KDM1A: variants seen among roughly 807,000 people sequenced by gnomAD.
The protein encoded by KDM1A is lysine demethylase 1A.
Under a neutral mutation model 109.4 loss-of-function variants are expected in KDM1A, and 49 were observed. That is an observed-to-expected ratio of 0.45 (90% CI 0.36 to 0.57). The LOEUF (loss-of-function observed/expected upper bound fraction) is 0.57. Among genes scored for constraint, KDM1A ranks in the 20% least tolerant of loss-of-function variants. The pLI is 0.00. For missense variants in KDM1A, 668 were observed against 1,116.6 expected, an observed-to-expected ratio of 0.60 and a Z score of 5.73; for synonymous variants, 380 against 415.4, an observed-to-expected ratio of 0.91 and a Z score of 1.04.
intron 5 of KDM1A, 152 bp downstream of exon 5, chr1:23,053,991 A>G (rs897237380): frequency 1.7e-6 from 1 of 604,868 alleles, no homozygotes; most frequent in Non-Finnish European, 3.0e-6. Context: ...TCTTATAGAA[A>G]ACCTGTTTTC....
rs1260185256 is a variant in KDM1A at position 23,079,232 on chromosome 1, CGTT to C, written c.2055+59_2055+61del. 1 of 1,551,398 alleles carries C rather than the reference CGTT, an allele frequency of 6.4e-7. No homozygotes were observed. Among genetic ancestry groups the C allele is most frequent in the Non-Finnish European group, 8.8e-7 (1 of 1,140,600 alleles). On this transcript the variant is annotated intron_variant, in intron 17 of 20. Coordinates refer to ENST00000400181, the MANE Select transcript of KDM1A (RefSeq NM_001009999.3). The surrounding 1 kb of genome is among the most constrained non-coding windows in gnomAD (Gnocchi z 5.6). ...GATCTGATGTACAAATAGCAGTCTT[CGTT>C]GTTTACTTGGTGAGGAGGTGGCCTT... is the stretch of plus-strand genomic sequence containing the variant.
intron 1 of KDM1A, among the ~76,000 whole-genome samples, chr1:23,026,338 C>T (rs1048934963): frequency 6.7e-6 from 1 of 150,098 alleles, no homozygotes; most frequent in African/African-American, 2.5e-5. Context: ...AGGAATGCAA[C>T]GTGAAAGGAA....
intron 3 of KDM1A, among the ~76,000 whole-genome samples, chr1:23,045,583 A>G (rs902979739): frequency 2.6e-5 from 4 of 152,124 alleles, no homozygotes; most frequent in African/African-American, 7.2e-5. Context: ...GCACAATTAG[A>G]TCTTCCATGG....
At position 23,083,045 on chromosome 1, in the gene KDM1A, G is replaced by A. The variant is rs2235546; in HGVS notation, c.2446-134G>A. ...TGCCTACTGATAAGGGAGACTCTTC[G>A]ATAGAATGATGAATAGTAATTGGGG... On this transcript the variant is annotated intron_variant, in intron 20 of 20. Transcript: ENST00000400181. 0.45 allele frequency: 338,204 copies of A among 750,690 alleles called. 82,090 individuals are homozygous for A. The highest frequency in any genetic ancestry group is 0.52 in the East Asian group (19,182 of 36,892). The allele number at this position is 750,690 out of a possible 1,614,324, so 46.5% of individuals were successfully genotyped here. A position where few individuals can be genotyped will look rare whatever the true frequency, so the allele number is the denominator to read the frequency against.
At chr1:23,037,291 G>A (rs932819276) in intron 2 of KDM1A, among the ~76,000 whole-genome samples, 1 of 144,398 alleles carries the variant, frequency 6.9e-6, no homozygotes, top group Non-Finnish European at 1.5e-5. Flanking sequence ...GTGATAGAGT[G>A]AGACCCTGTC....
chr1:23,069,533 T>C (rs1643257879), intron 12 of KDM1A, among the ~76,000 whole-genome samples: 1 of 152,204 alleles, frequency 6.6e-6, no homozygotes, highest in Non-Finnish European at 1.5e-5. Context: ...ATTCAGTGTT[T>C]TGAGAAAATT....
chr1:23,038,252 GTT>G (rs1315023215), intron 2 of KDM1A, among the ~76,000 whole-genome samples: 5 of 63,398 alleles, frequency 7.9e-5, no homozygotes, highest in Admixed American at 6.5e-4. Flanking sequence ...ATCTGGAACT[GTT>G]TGTGTGTGTG....
intron 19 of KDM1A, 25 bp from the exon 20 acceptor site, chr1:23,082,195 C>G: frequency 6.2e-7 from 1 of 1,611,354 alleles, no homozygotes; most frequent in Non-Finnish European, 8.5e-7. Context: ...CTCGTAATGA[C>G]TTTTGCTCCT....
At chr1:23,046,333 C>T (rs914345700) in intron 3 of KDM1A, among the ~76,000 whole-genome samples, 12 of 152,206 alleles carry the variant, frequency 7.9e-5, no homozygotes, top group African/African-American at 2.9e-4. Context: ...ATTCCTTATT[C>T]CTTTTATTTT....
chr1:23,081,363 C>T (rs1196831655), intron 18 of KDM1A, 83 bp from the exon 19 acceptor site: 11 of 1,491,972 alleles, frequency 7.4e-6, no homozygotes, highest in African/African-American at 1.4e-5. Context: ...TTCAGAGCAC[C>T]AGGAATAAGG....
At chr1:23,058,586 G>A (rs564105777) in intron 8 of KDM1A, among the ~76,000 whole-genome samples, 1 of 152,254 alleles carries the variant, frequency 6.6e-6, no homozygotes, top group South Asian at 2.1e-4. Context: ...GGCCTCAAGA[G>A]ATTCTTCTGC....
At chr1:23,071,443 C>G (rs1465002170) in intron 13 of KDM1A, 84 bp downstream of exon 13, 1 of 1,346,446 alleles carries the variant, frequency 7.4e-7, no homozygotes, top group Non-Finnish European at 1.0e-6. Context: ...AAAAGAGAGC[C>G]ACTAGCCAAT....
chr1:23,081,846 C>T (rs1643628773), intron 19 of KDM1A: 2 of 457,494 alleles, frequency 4.4e-6, no homozygotes, highest in Non-Finnish European at 7.7e-6. Flanking sequence ...AATGGCCAAA[C>T]TCCAGTGAGT....
At chr1:23,058,492 C>A (rs1024924063) in intron 8 of KDM1A, among the ~76,000 whole-genome samples, 1 of 152,142 alleles carries the variant, frequency 6.6e-6, no homozygotes, top group Non-Finnish European at 1.5e-5. Flanking sequence ...AGGTTAGTAG[C>A]TTTATGAGCC....
In KDM1A at chr1:23,040,298, A is replaced by C. The variant is rs144017109; in HGVS notation, c.518-4129A>C. Among the ~76,000 whole-genome samples the C allele has an allele frequency of 2.0e-4, 30 of 152,314 alleles. No individual in the cohort carries two copies. The East Asian group carries it at 4.8e-3, about 24-fold the overall frequency. On this transcript the variant is annotated intron_variant, in intron 2 of 20. Coordinates refer to ENST00000400181, the MANE Select transcript of KDM1A (RefSeq NM_001009999.3). ...AAGTCAACATAGACTTCCTTTTAAG[A>C]TGTTGGAAGAGTGATCTCTTGAGTA...
At chr1:23,026,675 C>A (rs909072049) in intron 1 of KDM1A, among the ~76,000 whole-genome samples, 2 of 152,082 alleles carry the variant, frequency 1.3e-5, no homozygotes, top group Non-Finnish European at 2.9e-5. Context: ...AGCCACCATG[C>A]CCCGCCCAAG....
intron 3 of KDM1A, among the ~76,000 whole-genome samples, chr1:23,046,527 T>C (rs1642509199): frequency 6.6e-6 from 1 of 152,206 alleles, no homozygotes; most frequent in South Asian, 2.1e-4. Context: ...TTAATTTTTA[T>C]ATCTCTATTA....
At chr1:23,042,446 T>TA (rs1160357911) in intron 2 of KDM1A, among the ~76,000 whole-genome samples, 9 of 16,098 alleles carry the variant, frequency 5.6e-4, no homozygotes, top group African/African-American at 2.1e-3. Context: ...TATTATTTTT[T>TA]TTTTTTTTTT....
At chr1:23,080,404 A>C (rs985422441) in intron 18 of KDM1A, among the ~76,000 whole-genome samples, 51 of 151,976 alleles carry the variant, frequency 3.4e-4, no homozygotes, top group African/African-American at 1.2e-3. Flanking sequence ...TTGCAAACCT[A>C]TTTACTTTTT....
Sources: gnomAD v4.1 joint callset for allele counts (sites outside exome capture counted in the v4.1 genomes callset) on GRCh38, gnomAD v4.1.1 for gene constraint, Gnocchi (gnomAD v3.1) non-coding constraint, MANE v1.5 for transcripts, NCBI Gene and HGNC (gene_info 2026-07-23, HGNC 2026-07-21) for gene names.